STMN4: variants seen among roughly 807,000 people sequenced by gnomAD.
STMN4 encodes stathmin-4.
STMN4 carries 12 observed loss-of-function variants against 29.1 expected under a neutral mutation model. The ratio of observed to expected loss-of-function variants is 0.41; its 90% CI spans 0.26 to 0.67. STMN4 has a LOEUF of 0.67. Among genes scored for constraint, STMN4 ranks in the 30% least tolerant of loss-of-function variants. The pLI is 0.30. For missense variants in STMN4, 181 were observed against 262.8 expected (o/e 0.69, Z 2.15); for synonymous variants, 114 against 105.3 (o/e 1.08, Z -0.51).
chr8:27,240,651 G>C (rs60799518), intron 5 of STMN4, among the ~76,000 whole-genome samples: 7 of 152,088 alleles, frequency 4.6e-5, no homozygotes, highest in Admixed American at 4.6e-4. Context: ...TCAGAATCAA[G>C]CCATGAGAAT....
intron 1 of STMN4, among the ~76,000 whole-genome samples, chr8:27,254,184 GCA>G (rs2130167041): frequency 6.6e-6 from 1 of 152,212 alleles, no homozygotes; most frequent in Non-Finnish European, 1.5e-5. Flanking sequence ...TTGTGTGTGG[GCA>G]CACAGAGTCT....
chr8:27,239,133 C>T, intron 6 of STMN4: 2 of 1,425,858 alleles, frequency 1.4e-6, no homozygotes, highest in South Asian at 1.4e-5. Flanking sequence ...ATTCAGACAC[C>T]TTGTGAAGAA....
intron 1 of STMN4, among the ~76,000 whole-genome samples, chr8:27,250,619 G>A (rs773572697): frequency 2.6e-5 from 4 of 152,138 alleles, no homozygotes; most frequent in Non-Finnish European, 5.9e-5. Context: ...AGGGAAACTG[G>A]GCAAAACAGA....
chr8:27,238,053 C>T (rs891011679), intron 6 of STMN4, among the ~76,000 whole-genome samples: 1 of 152,168 alleles, frequency 6.6e-6, no homozygotes, highest in South Asian at 2.1e-4. Flanking sequence ...ACGAATCTGT[C>T]CCTGCAGACA....
intron 1 of STMN4, among the ~76,000 whole-genome samples, chr8:27,250,561 G>T (rs1379133904): frequency 1.3e-5 from 2 of 152,220 alleles, no homozygotes; most frequent in African/African-American, 4.8e-5. Context: ...AAGGGAGAAG[G>T]AGTGGGAATT....
chr8:27,240,987 A>G (rs1801452585), intron 5 of STMN4, 67 bp downstream of exon 5: 2 of 1,506,878 alleles, frequency 1.3e-6, no homozygotes, highest in East Asian at 2.3e-5. Context: ...CAGGTCCACC[A>G]CCTGTCTTCT....
At position 27,242,377 on chromosome 8, in the gene STMN4, C is replaced by T. The variant is rs752458608; in HGVS notation, c.109+20G>A. On this transcript the variant is annotated intron_variant, in intron 3 of 6. Transcript: ENST00000350889. ...CAGGGCCCCCCCGCCCCTCACTTTCCTGGCTGAGCCTTCACTGACCTTCAT... is the reference window on the plus strand; with the variant it reads ...CAGGGCCCCCCCGCCCCTCACTTTCTTGGCTGAGCCTTCACTGACCTTCAT... The T allele has an allele frequency of 1.2e-6, 2 of 1,613,980 alleles. No homozygotes were observed. The highest frequency in any genetic ancestry group is 1.7e-6 in the Non-Finnish European group (2 of 1,179,872).
intron 2 of STMN4, among the ~76,000 whole-genome samples, chr8:27,242,846 T>C (rs1900339): frequency 0.22 from 32,929 of 152,012 alleles, 4,031 homozygotes; most frequent in East Asian, 0.42. Flanking sequence ...CCCCAGGACA[T>C]TCCGATTCTT....
intron 3 of STMN4, chr8:27,241,970 C>G (rs1801488424): frequency 1.6e-6 from 1 of 607,308 alleles, no homozygotes; most frequent in Non-Finnish European, 2.9e-6. Flanking sequence ...ACAGAACCTC[C>G]TCTTCCCACC....
rs1391610608 is a variant in STMN4, at chr8:27,243,800, A to G, written c.-77T>C. On this transcript the variant is annotated splice_region_variant and 5_prime_UTR_variant, in exon 2 of 7. Coordinates refer to ENST00000350889, the MANE Select transcript of STMN4 (RefSeq NM_030795.4). The stretch of plus-strand genomic sequence containing the variant: ...TCACCAGCTTGGGACGCTGTCACCA[A>G]CCTGAGAAAAGGGGAGGACAGGATT... 53 of 1,613,860 alleles carry G rather than the reference A, an allele frequency of 3.3e-5. No individual in the cohort carries two copies. The highest frequency in any genetic ancestry group is 4.5e-5 in the Non-Finnish European group (53 of 1,179,894).
Position 27,239,386 on chromosome 8 carries a change from G to A in STMN4, c.591+585C>T, listed in dbSNP as rs919462163. On this transcript the variant is annotated intron_variant, in intron 6 of 6. Coordinates refer to ENST00000350889, the MANE Select transcript of STMN4 (RefSeq NM_030795.4). ...CAGCGTGTTCTCAGCAGAACGGGCC[G>A]GTATTCTGCTGACACACAGAACCAA... The A allele has an allele frequency of 2.0e-5, 26 of 1,284,492 alleles. No homozygotes were observed. The Middle Eastern group carries it at 2.4e-3, about 120-fold the overall frequency. The allele number at this position is 1,284,492 out of a possible 1,614,324, so 79.6% of individuals were successfully genotyped here.
At chr8:27,239,082 A>G (rs535584537) in intron 6 of STMN4, 7 of 938,422 alleles carry the variant, frequency 7.5e-6, no homozygotes, top group South Asian at 3.8e-5. Context: ...ATCAGAGCAC[A>G]GGGGCTGCCT....
At chr8:27,249,159 C>T (rs891410344) in intron 1 of STMN4, among the ~76,000 whole-genome samples, 2 of 151,990 alleles carry the variant, frequency 1.3e-5, no homozygotes, top group African/African-American at 2.4e-5. Context: ...TGGAGGCAGA[C>T]GTGGCTGAGA....
At chr8:27,253,725 A>C (rs566888829) in intron 1 of STMN4, among the ~76,000 whole-genome samples, 1 of 150,364 alleles carries the variant, frequency 6.7e-6, no homozygotes, top group South Asian at 2.1e-4. Context: ...TGATTTCTTT[A>C]ATTTGATTTT....
chr8:27,241,362 CAAGCAAGCTGG>C, intron 4 of STMN4, 100 bp from the exon 5 acceptor site: 3 of 1,440,132 alleles, frequency 2.1e-6, no homozygotes, highest in Non-Finnish European at 2.9e-6. Flanking sequence ...ACTGGGGCCC[CAAGCAAGCTGG>C]AGACTGGGGT....
At chr8:27,244,670 G>A (rs1215173069) in intron 1 of STMN4, among the ~76,000 whole-genome samples, 1 of 152,182 alleles carries the variant, frequency 6.6e-6, no homozygotes, top group Non-Finnish European at 1.5e-5. Flanking sequence ...TCACGGCCAA[G>A]GGTCGGGGTG....
chr8:27,243,284 G>A (rs1011406169), intron 2 of STMN4, among the ~76,000 whole-genome samples: 1 of 152,136 alleles, frequency 6.6e-6, no homozygotes, highest in Admixed American at 6.5e-5. Flanking sequence ...ATGTTGCCCA[G>A]GCTGGACTCA....
intron 1 of STMN4, among the ~76,000 whole-genome samples, chr8:27,257,740 T>A (rs1407429212): frequency 6.6e-6 from 1 of 152,110 alleles, no homozygotes; most frequent in Admixed American, 6.5e-5. Context: ...GCGTGGCAGT[T>A]CTGGGTGTCT....
chr8:27,252,312 T>C (rs573168047), intron 1 of STMN4, among the ~76,000 whole-genome samples: 2 of 152,354 alleles, frequency 1.3e-5, no homozygotes, highest in East Asian at 3.9e-4. Flanking sequence ...TTATAGTCCT[T>C]TGGGTATATA....
Sources: allele counts gnomAD v4.1 joint callset (sites outside exome capture counted in the v4.1 genomes callset), GRCh38; gene constraint gnomAD v4.1.1; transcripts MANE v1.5; gene names NCBI Gene and HGNC (gene_info 2026-07-23, HGNC 2026-07-21).